The following ITPR2 variants were observed in gnomAD, a reference collection of about 807,000 sequenced individuals.
ITPR2 encodes inositol 1,4,5-trisphosphate receptor type 2.
Under a neutral mutation model 317.1 loss-of-function variants are expected in ITPR2, and 207 were observed. That is an observed-to-expected ratio of 0.65 (90% confidence interval 0.58 to 0.73). The LOEUF is 0.73. Ranked by LOEUF, ITPR2 falls within the 30% of genes least tolerant of loss-of-function variation. The pLI is 0.00. For missense variants in ITPR2, 2,613 were observed against 3,284.0 expected, an observed-to-expected ratio of 0.80 and a Z score of 4.99; for synonymous variants, 1,156 against 1,149.1, an observed-to-expected ratio of 1.01 and a Z score of -0.12.
chr12:26,493,055 C>CA lies in ITPR2; in HGVS notation c.5370+1097dup, dbSNP rs201341065. Reference sequence around the variant, plus strand: ...TACCTGGTTCAGATAAGATAATTTCCAAAAAAACTCACTCAATTTCCTCCA... The same window carrying CA: ...TACCTGGTTCAGATAAGATAATTTCCAAAAAAAACTCACTCAATTTCCTCCA... On this transcript the variant is annotated intron_variant, in intron 39 of 56. Transcript: ENST00000381340. Among the ~76,000 whole-genome samples, 1,210 of 152,012 alleles carry CA rather than the reference C, an allele frequency of 8.0e-3. 9 individuals are homozygous for CA. The highest frequency in any genetic ancestry group is 0.054 in the Middle Eastern group (16 of 294).
intron 2 of ITPR2, among the ~76,000 whole-genome samples, chr12:26,755,328 T>C (rs1450129867): frequency 6.6e-6 from 1 of 152,200 alleles, no homozygotes; most frequent in Non-Finnish European, 1.5e-5. Context: ...AGGTTTCTGA[T>C]AACTTTGGAG....
chr12:26,701,829 A>G (rs149615623), intron 9 of ITPR2, among the ~76,000 whole-genome samples: 1 of 152,362 alleles, frequency 6.6e-6, no homozygotes, highest in Non-Finnish European at 1.5e-5. Context: ...TTGCCTATCT[A>G]CAAACAAATA....
rs900964059 is a variant in ITPR2 at position 26,715,893 on chromosome 12, A to C, written c.625-58T>G. 16 of 1,207,464 alleles carry C rather than the reference A, an allele frequency of 1.3e-5. No individual in the cohort carries two copies. The African/African-American group carries it at 2.3e-4, about 17-fold the overall frequency. The allele number at this position is 1,207,464 out of a possible 1,614,324, so 74.8% of individuals were successfully genotyped here. A position where few individuals can be genotyped will look rare whatever the true frequency, so the allele number is the denominator to read the frequency against. On this transcript the variant is annotated intron_variant, in intron 6 of 56. Coordinates refer to ENST00000381340, the MANE Select transcript of ITPR2 (RefSeq NM_002223.4). ...CTACAGATTCCATTCTCTACCAGAA[A>C]TTATTAGTTCAACTAGTAAAAGGAA...
intron 47 of ITPR2, among the ~76,000 whole-genome samples, chr12:26,437,746 A>G (rs779756539): frequency 2.0e-5 from 3 of 152,134 alleles, no homozygotes; most frequent in African/African-American, 2.4e-5. Flanking sequence ...GCACTAGTTC[A>G]GTATTCAATT....
At chr12:26,817,661 G>A (rs1187416008) in intron 1 of ITPR2, among the ~76,000 whole-genome samples, 2 of 152,292 alleles carry the variant, frequency 1.3e-5, no homozygotes, top group East Asian at 3.9e-4. Context: ...TTACCTAATA[G>A]GGAATACATA....
At chr12:26,408,480 C>T (rs560435713) in intron 52 of ITPR2, among the ~76,000 whole-genome samples, 5 of 152,280 alleles carry the variant, frequency 3.3e-5, no homozygotes, top group East Asian at 3.9e-4. Context: ...TAAAGCCTAA[C>T]ATTTACAGGA....
At chr12:26,605,639 A>G (rs1219837935) in intron 26 of ITPR2, among the ~76,000 whole-genome samples, 2 of 152,262 alleles carry the variant, frequency 1.3e-5, no homozygotes. Flanking sequence ...TTTTAAGAAA[A>G]GTAATCTTAG....
At chr12:26,349,086 T>A (rs7964924) in intron 55 of ITPR2, among the ~76,000 whole-genome samples, 1 of 152,116 alleles carries the variant, frequency 6.6e-6, no homozygotes, top group Non-Finnish European at 1.5e-5. Context: ...AGGTAGAGAC[T>A]GTAGTGAGCT....
At chr12:26,561,002 C>T (rs1944802756) in intron 35 of ITPR2, among the ~76,000 whole-genome samples, 1 of 152,200 alleles carries the variant, frequency 6.6e-6, no homozygotes. Flanking sequence ...GCCTAACTCA[C>T]AGTACCTCAG....
At chr12:26,600,992 A>AC (rs1385362307) in intron 28 of ITPR2, among the ~76,000 whole-genome samples, 2 of 151,882 alleles carry the variant, frequency 1.3e-5, no homozygotes, top group Non-Finnish European at 2.9e-5. Flanking sequence ...AACACTCTTA[A>AC]TAGTGAATAT....
intron 18 of ITPR2, among the ~76,000 whole-genome samples, chr12:26,657,261 A>G (rs1475210841): frequency 6.6e-6 from 1 of 152,196 alleles, no homozygotes; most frequent in Admixed American, 6.5e-5. Context: ...CGTTAACTAC[A>G]GGCACCAGTT....
At chr12:26,755,110 T>C (rs1166560770) in intron 2 of ITPR2, among the ~76,000 whole-genome samples, 1 of 152,212 alleles carries the variant, frequency 6.6e-6, no homozygotes, top group Non-Finnish European at 1.5e-5. Flanking sequence ...CCTATAATTC[T>C]AATATGACTT....
intron 13 of ITPR2, 132 bp from the exon 14 acceptor site, chr12:26,666,183 A>C (rs1252446278): frequency 4.6e-5 from 9 of 195,906 alleles, no homozygotes; most frequent in Non-Finnish European, 7.0e-5. Context: ...CTTTTTCTTC[A>C]GGAGTGGAAC....
At chr12:26,340,623 G>C (rs944580975) in intron 55 of ITPR2, among the ~76,000 whole-genome samples, 3 of 152,190 alleles carry the variant, frequency 2.0e-5, no homozygotes, top group African/African-American at 7.2e-5. Context: ...GAATGATGAG[G>C]TGGGGTCTGG....
At chr12:26,404,296 T>C (rs983886215) in intron 52 of ITPR2, among the ~76,000 whole-genome samples, 4 of 152,072 alleles carry the variant, frequency 2.6e-5, no homozygotes, top group African/African-American at 9.7e-5. Context: ...ACCATAGAAA[T>C]AGACCATTTA....
At chr12:26,543,164 G>A (rs977850809) in intron 37 of ITPR2, among the ~76,000 whole-genome samples, 2 of 152,106 alleles carry the variant, frequency 1.3e-5, no homozygotes, top group Non-Finnish European at 2.9e-5. Flanking sequence ...ATTCCTCTGA[G>A]TGCAGTCCTT....
At chr12:26,820,281 T>C (rs1309362882) in intron 1 of ITPR2, among the ~76,000 whole-genome samples, 1 of 152,110 alleles carries the variant, frequency 6.6e-6, no homozygotes, top group Admixed American at 6.5e-5. Context: ...TATGAGACAT[T>C]ATATTGACTT....
rs1335252626 is a variant in ITPR2, at chr12:26,578,879, A to C, written c.4510-46T>G. Reference sequence around the variant, plus strand: ...GGCAAAAAGAGATGCTAAACCATTAACAGCCCTGATGTAGCATCTATGCAT... The same window carrying C: ...GGCAAAAAGAGATGCTAAACCATTACCAGCCCTGATGTAGCATCTATGCAT... On this transcript the variant is annotated intron_variant, in intron 33 of 56. Coordinates refer to ENST00000381340, the MANE Select transcript of ITPR2 (RefSeq NM_002223.4). The C allele has an allele frequency of 1.9e-6, 3 of 1,566,242 alleles. No homozygotes were observed. The African/African-American group carries it at 4.0e-5, about 21-fold the overall frequency.
intron 45 of ITPR2, among the ~76,000 whole-genome samples, chr12:26,445,358 G>A (rs938940427): frequency 3.3e-5 from 5 of 152,042 alleles, no homozygotes; most frequent in African/African-American, 7.2e-5. Flanking sequence ...GTGCATGGAG[G>A]GGTCGTCAGT....
Sources: gnomAD v4.1 joint callset for allele counts (sites outside exome capture counted in the v4.1 genomes callset) on GRCh38, gnomAD v4.1.1 for gene constraint, MANE v1.5 for transcripts, NCBI Gene and HGNC (gene_info 2026-07-23, HGNC 2026-07-21) for gene names.